LAMA3: variants seen among roughly 807,000 people sequenced by gnomAD.
LAMA3 encodes the protein laminin subunit alpha-3.
In LAMA3, 281 loss-of-function variants were observed where a neutral mutation model predicts 402.0. The observed-to-expected ratio is 0.70, with a 90% CI of 0.63 to 0.77. LAMA3 has a LOEUF of 0.77. Among genes scored for constraint, LAMA3 ranks in the 30% least tolerant of loss-of-function variants. The pLI is 0.00. For missense variants in LAMA3, 3,840 were observed against 4,215.5 expected (o/e 0.91, Z 2.47); for synonymous variants, 1,431 against 1,558.4 (o/e 0.92, Z 1.93).
chr18:23,770,716 G>A (rs532233895), intron 8 of LAMA3, among the ~76,000 whole-genome samples: 42 of 152,146 alleles, frequency 2.8e-4, no homozygotes, highest in Admixed American at 2.6e-3. Flanking sequence ...AGTCGAGATC[G>A]CGCCACTGCA....
chr18:23,858,792 AT>A lies in LAMA3; in HGVS notation c.4386del (p.Asn1462LysfsTer145). On this transcript the variant is annotated frameshift_variant, in exon 34 of 75. Transcript: ENST00000313654. LOFTEE classifies it high-confidence loss of function. ...ACCAGCTGTTTCTGTTTTGGAGTAA[AT>A]AATCAATGTCACAGCTCACATAAGC... ...GCTSCFCFGV[N>X]NQCHSSHKRR... 3.1e-6 allele frequency: 5 copies of A among 1,614,226 alleles called. No individual in the cohort carries two copies. The highest frequency in any genetic ancestry group is 4.2e-6 in the Non-Finnish European group (5 of 1,180,016).
intron 55 of LAMA3, among the ~76,000 whole-genome samples, chr18:23,909,571 A>G (rs762187047): frequency 6.6e-6 from 1 of 152,196 alleles, no homozygotes; most frequent in Non-Finnish European, 1.5e-5. Flanking sequence ...TCCAGGCCCC[A>G]GTTTGTAAAC....
At chr18:23,788,643 A>G (rs1348072590) in intron 12 of LAMA3, among the ~76,000 whole-genome samples, 3 of 152,024 alleles carry the variant, frequency 2.0e-5, no homozygotes, top group Non-Finnish European at 4.4e-5. Flanking sequence ...AACTAAACGT[A>G]AGAGCTAAAA....
At chr18:23,906,183 T>A (rs1386580938) in intron 52 of LAMA3, among the ~76,000 whole-genome samples, 1 of 152,196 alleles carries the variant, frequency 6.6e-6, no homozygotes, top group African/African-American at 2.4e-5. Flanking sequence ...TATAAATAAA[T>A]CTTGAGAGTG....
chr18:23,813,081 C>A lies in LAMA3; in HGVS notation c.1766C>A (p.Ala589Asp), dbSNP rs1181044097. The change falls in exon 14 of 75, where the codon GCT becomes GAT. Residue 589 changes from alanine (A) to aspartate (D), a missense_variant. Ala to Asp is a moderately radical substitution (Grantham distance 126, BLOSUM62 -2). Transcript: ENST00000313654. Reference sequence around the variant, plus strand: ...GGTTCCAGCAGTGCTTGTGACCCAGCTGGTACCATCAACTCCAATTTGGTA... The same window carrying A: ...GGTTCCAGCAGTGCTTGTGACCCAGATGGTACCATCAACTCCAATTTGGTA... ...CQGSSSACDP[A>D]GTINSNLGYC... 4 of 1,609,368 alleles carry A rather than the reference C, an allele frequency of 2.5e-6. No individual in the cohort carries two copies. Among genetic ancestry groups the A allele is most frequent in the African/African-American group, 1.3e-5 (1 of 74,854 alleles).
chr18:23,833,393 T>TA (rs5823403), intron 23 of LAMA3, among the ~76,000 whole-genome samples: 9 of 151,296 alleles, frequency 5.9e-5, no homozygotes, highest in South Asian at 4.2e-4. Context: ...TAAAACTTAT[T>TA]AAAAAAAAAA....
At chr18:23,718,323 C>T (rs529431910) in intron 2 of LAMA3, among the ~76,000 whole-genome samples, 214 of 152,246 alleles carry the variant, frequency 1.4e-3, no homozygotes, top group African/African-American at 5.0e-3. Context: ...TAGAGAAAAA[C>T]ATGAGGAGGT....
chr18:23,763,979 A>T (rs1486575724), intron 8 of LAMA3, among the ~76,000 whole-genome samples: 1 of 152,188 alleles, frequency 6.6e-6, no homozygotes, highest in Non-Finnish European at 1.5e-5. Context: ...CTAATTTTTC[A>T]TTCCTTCTGT....
intron 1 of LAMA3, among the ~76,000 whole-genome samples, chr18:23,694,176 A>C (rs1029871512): frequency 6.6e-6 from 1 of 152,322 alleles, no homozygotes; most frequent in East Asian, 1.9e-4. Context: ...CCCATCCTAG[A>C]AGCTCAGAAA....
intron 19 of LAMA3, 46 bp from the exon 20 acceptor site, chr18:23,822,206 T>A (rs1382860306): frequency 6.2e-7 from 1 of 1,611,492 alleles, no homozygotes; most frequent in African/African-American, 1.3e-5. Flanking sequence ...TAGCATGTCT[T>A]TTAACCATTT....
chr18:23,851,281 T>C (rs2063938357), intron 32 of LAMA3, among the ~76,000 whole-genome samples: 1 of 152,234 alleles, frequency 6.6e-6, no homozygotes. Flanking sequence ...ACGACCTCTG[T>C]CGTCCTTCGT....
chr18:23,912,839 G>A lies in LAMA3; in HGVS notation c.7287G>A (p.Gly2429=), dbSNP rs1024093097. The A allele has an allele frequency of 3.1e-6, 5 of 1,613,892 alleles. No homozygotes were observed. The African/African-American group carries it at 6.7e-5, about 22-fold the overall frequency. The change falls in exon 56 of 75, where the codon GGG becomes GGA. Residue 2429 remains glycine (G), a synonymous_variant. Coordinates refer to ENST00000313654, the MANE Select transcript of LAMA3 (RefSeq NM_198129.4). ...AAAGGCCCAACTCAAGAGAAAATGG[G>A]GGTACTGAGAATATGTTTGTGATGT... ...FLQRPNSREN[G]GTENMFVMYL...
At chr18:23,830,166 A>G (rs978177627) in intron 23 of LAMA3, among the ~76,000 whole-genome samples, 1 of 152,154 alleles carries the variant, frequency 6.6e-6, no homozygotes, top group Admixed American at 6.6e-5. Context: ...TTCTAAATAT[A>G]TCTTTTTGTT....
chr18:23,716,034 C>T lies in LAMA3; in HGVS notation c.447+1962C>T, dbSNP rs551338990. ...GTGTCTGCAGGAATTCACAGAGAGC[C>T]TTCATGGTTCAAAAGACTCTAATAA... On this transcript the variant is annotated intron_variant, in intron 2 of 74. Coordinates refer to ENST00000313654, the MANE Select transcript of LAMA3 (RefSeq NM_198129.4). 1.4e-4 allele frequency among the ~76,000 whole-genome samples: 22 copies of T among 152,282 alleles called. No individual in the cohort carries two copies. The South Asian group carries it at 4.6e-3, about 32-fold the overall frequency.
chr18:23,745,085 A>G (rs2061628714), intron 2 of LAMA3, among the ~76,000 whole-genome samples: 1 of 152,204 alleles, frequency 6.6e-6, no homozygotes, highest in Non-Finnish European at 1.5e-5. Context: ...TATGTAGAAG[A>G]AATATCCATG....
At chr18:23,785,759 G>A (rs1234094137) in intron 12 of LAMA3, among the ~76,000 whole-genome samples, 1 of 151,936 alleles carries the variant, frequency 6.6e-6, no homozygotes, top group Non-Finnish European at 1.5e-5. Flanking sequence ...ATATCAAAGG[G>A]TTTCTTTTTT....
chr18:23,931,430 G>A (rs1344100692), intron 65 of LAMA3: 1 of 514,788 alleles, frequency 1.9e-6, no homozygotes, highest in East Asian at 3.4e-5. Flanking sequence ...GCTGAGGCAA[G>A]AGGGTTGCTT....
chr18:23,707,234 G>C (rs772969212), intron 1 of LAMA3, among the ~76,000 whole-genome samples: 4 of 152,178 alleles, frequency 2.6e-5, no homozygotes, highest in Non-Finnish European at 4.4e-5. Flanking sequence ...GCCTAAGAAG[G>C]CCTCGCTAAC....
chr18:23,821,607 G>A (rs1568220279), intron 19 of LAMA3, among the ~76,000 whole-genome samples: 3 of 152,210 alleles, frequency 2.0e-5, no homozygotes, highest in Non-Finnish European at 4.4e-5. Flanking sequence ...AATGTTTACA[G>A]AATATTGTGT....
Sources: gnomAD v4.1 joint callset for allele counts (sites outside exome capture counted in the v4.1 genomes callset) on GRCh38, gnomAD v4.1.1 for gene constraint, MANE v1.5 for transcripts, NCBI Gene and HGNC (gene_info 2026-07-23, HGNC 2026-07-21) for gene names.